Variants in PSMG1 observed in about 807,000 individuals in gnomAD.
The protein encoded by PSMG1 is Down syndrome critical region gene 2.
A neutral mutation model predicts 37.2 loss-of-function variants in PSMG1; 23 were observed. That is an observed-to-expected ratio of 0.62 (90% CI 0.44 to 0.88). PSMG1 has a LOEUF of 0.88. Ranked by LOEUF, PSMG1 falls within the 40% of genes least tolerant of loss-of-function variation. PSMG1 has a pLI of 0.00. For synonymous variants in PSMG1, 127 were observed against 128.0 expected (o/e 0.99, Z 0.05); for missense variants, 340 against 344.2 (o/e 0.99, Z 0.10).
At chr21:39,181,187 G>C (rs150262722) in intron 2 of PSMG1, among the ~76,000 whole-genome samples, 1 of 152,060 alleles carries the variant, frequency 6.6e-6, no homozygotes, top group Non-Finnish European at 1.5e-5. Context: ...GCTGGAGCAC[G>C]ATCAGTGGGA....
At chr21:39,177,716 C>A in intron 5 of PSMG1, 145 bp from the exon 6 acceptor site, 1 of 519,260 alleles carries the variant, frequency 1.9e-6, no homozygotes, top group Non-Finnish European at 3.0e-6. Flanking sequence ...AATTTTGAAC[C>A]AATTATAATG....
rs1267368036 is a variant in PSMG1 at position 39,174,967 on chromosome 21, A to G, written c.*623T>C. The G allele has an allele frequency of 6.6e-6, 1 of 152,258 alleles. No homozygotes were observed. The highest frequency in any genetic ancestry group is 2.4e-5 in the African/African-American group (1 of 41,460). 9.4% of individuals were successfully genotyped at this position (152,258 alleles called of 1,614,324 possible). On this transcript the variant is annotated 3_prime_UTR_variant, in exon 7 of 7. Coordinates refer to ENST00000331573, the MANE Select transcript of PSMG1 (RefSeq NM_003720.4). ...TTTCTGTTTCATTTTTAGTAAATAT[A>G]TAATTTTGTTACTTTGTCATCAATT... is the stretch of plus-strand genomic sequence containing the variant.
chr21:39,177,453 G>A lies in PSMG1; in HGVS notation c.774C>T (p.Ser258=). 1 of 1,597,384 alleles carries A rather than the reference G, an allele frequency of 6.3e-7. No homozygotes were observed. The highest frequency in any genetic ancestry group is 8.5e-7 in the Non-Finnish European group (1 of 1,174,246). Residue 258 remains serine (S), a synonymous_variant, in exon 6 of 7, where the codon AGC becomes AGT. Coordinates refer to ENST00000331573, the MANE Select transcript of PSMG1 (RefSeq NM_003720.4). ...EAFKPILSTR[S]LKGLVKNIPQ... ...ACCTTACCTTAACCAAACCCTTCAA[G>A]CTTCTGGTAGAAAGTATAGGCTTAA...
chr21:39,179,240 A>G (rs1208607745), intron 4 of PSMG1, among the ~76,000 whole-genome samples: 1 of 152,154 alleles, frequency 6.6e-6, no homozygotes. Context: ...TCTGTTCTTT[A>G]TAAATTACCC....
At chr21:39,179,004 A>T (rs1379687932) in intron 4 of PSMG1, among the ~76,000 whole-genome samples, 1 of 152,056 alleles carries the variant, frequency 6.6e-6, no homozygotes, top group Non-Finnish European at 1.5e-5. Flanking sequence ...GCCTAGCACC[A>T]CCCTGTTGGT....
intron 2 of PSMG1, among the ~76,000 whole-genome samples, chr21:39,181,101 G>T (rs2030810846): frequency 6.6e-6 from 1 of 152,038 alleles, no homozygotes; most frequent in Non-Finnish European, 1.5e-5. Flanking sequence ...ACAGCTCCTT[G>T]AGTTTTAAGT....
chr21:39,178,558 G>A lies in PSMG1; in HGVS notation c.546C>T (p.Gly182=). The part of the protein sequence containing the change: ...VTDYKTSEST[G]SLPSPFLRAL... ...CTCTCAGGAAAGGAGAAGGAAGGCT[G>A]CCGGTGGATTCTGAGGTTTTATAAT... The change falls in exon 5 of 7, where the codon GGC becomes GGT. Residue 182 remains glycine (G), a synonymous_variant. Coordinates refer to ENST00000331573, the MANE Select transcript of PSMG1 (RefSeq NM_003720.4). The A allele has an allele frequency of 6.2e-7, 1 of 1,614,086 alleles. No individual in the cohort carries two copies. The highest frequency in any genetic ancestry group is 8.5e-7 in the Non-Finnish European group (1 of 1,179,972).
intron 6 of PSMG1, among the ~76,000 whole-genome samples, chr21:39,176,837 A>G (rs1248381919): frequency 4.6e-5 from 7 of 152,240 alleles, no homozygotes; most frequent in African/African-American, 1.7e-4. Context: ...TCTTTCCTTT[A>G]AAGAAACCAT....
In PSMG1 at chr21:39,183,234, C is replaced by G. The variant is rs34294410; in HGVS notation, c.134+18G>C. 0.33 allele frequency: 513,378 copies of G among 1,566,162 alleles called. 89,104 individuals carry two copies. Among genetic ancestry groups the G allele is most frequent in the Non-Finnish European group, 0.36 (417,591 of 1,159,176 alleles). On this transcript the variant is annotated intron_variant, in intron 1 of 6. Transcript: ENST00000331573. ...TTCCAGCTGCGGTGAGCGCGCTGCC[C>G]TTATCCCGGTGCCTCACCTCTTCCG...
At chr21:39,179,896 C>T (rs2030761675) in intron 4 of PSMG1, 28 bp downstream of exon 4, 1 of 1,602,602 alleles carries the variant, frequency 6.2e-7, no homozygotes, top group African/African-American at 1.3e-5. Context: ...GTAGACTAAC[C>T]ATTCACAGGT....
chr21:39,183,204 GC>G, intron 1 of PSMG1, 47 bp downstream of exon 1: 1 of 1,503,584 alleles, frequency 6.7e-7, no homozygotes, highest in African/African-American at 1.4e-5. Context: ...CCAGGCCCGC[GC>G]ACCTTCCAGC....
At position 39,175,058 on chromosome 21, in the gene PSMG1, A is replaced by G. The variant is rs2030581155; in HGVS notation, c.*532T>C. 1 of 152,244 alleles carries G rather than the reference A, an allele frequency of 6.6e-6. No homozygotes were observed. Among genetic ancestry groups the G allele is most frequent in the Non-Finnish European group, 1.5e-5 (1 of 68,044 alleles). The allele number at this position is 152,244 out of a possible 1,614,324, so 9.4% of individuals were successfully genotyped here. ...ATCCAGAAACTTTCCACATATTAAG[A>G]ATCACCAACAGGTCAATGAATAGTT... On this transcript the variant is annotated 3_prime_UTR_variant, in exon 7 of 7. Coordinates refer to ENST00000331573, the MANE Select transcript of PSMG1 (RefSeq NM_003720.4).
At chr21:39,177,000 G>A (rs1272756011) in intron 6 of PSMG1, among the ~76,000 whole-genome samples, 1 of 152,196 alleles carries the variant, frequency 6.6e-6, no homozygotes, top group Non-Finnish European at 1.5e-5. Context: ...GGGTAAGGAA[G>A]AGGTTCATTA....
At position 39,183,393 on chromosome 21, in the gene PSMG1, C is replaced by A; in HGVS notation, c.-8G>T. ...GAAGAACGTGGCCGCCATAGCCGCC[C>A]CGTGACCGGCTGGACACAACTGCAG... On this transcript the variant is annotated 5_prime_UTR_variant, in exon 1 of 7. Coordinates refer to ENST00000331573, the MANE Select transcript of PSMG1 (RefSeq NM_003720.4). 1 of 1,576,170 alleles carries A rather than the reference C, an allele frequency of 6.3e-7. No individual in the cohort carries two copies. The highest frequency in any genetic ancestry group is 2.4e-5 in the East Asian group (1 of 42,198).
chr21:39,179,852 A>G (rs1314835347), intron 4 of PSMG1, 72 bp downstream of exon 4: 3 of 1,277,186 alleles, frequency 2.3e-6, no homozygotes, highest in Non-Finnish European at 3.3e-6. Context: ...GTTTAAGTTA[A>G]AAGACATCGA....
chr21:39,183,470 G>T (rs572923060), upstream of PSMG1: 2,537 of 1,450,240 alleles, frequency 1.7e-3, 2 homozygotes, highest in Non-Finnish European at 2.1e-3. Flanking sequence ...CTCACCGCGC[G>T]GGCAATAAGT....
chr21:39,178,937 T>C, intron 4 of PSMG1: 1 of 372,108 alleles, frequency 2.7e-6, no homozygotes, highest in Non-Finnish European at 5.0e-6. Context: ...ATTCCCAATG[T>C]TGGAGGCCGG....
chr21:39,182,521 T>C (rs1340604570), intron 1 of PSMG1, among the ~76,000 whole-genome samples: 1 of 152,158 alleles, frequency 6.6e-6, no homozygotes, highest in Non-Finnish European at 1.5e-5. Context: ...GGAAAATTAG[T>C]ATTAGTGTTG....
At chr21:39,182,885 G>A (rs1254818303) in intron 1 of PSMG1, among the ~76,000 whole-genome samples, 1 of 152,058 alleles carries the variant, frequency 6.6e-6, no homozygotes, top group Non-Finnish European at 1.5e-5. Flanking sequence ...GGAGCGCTGC[G>A]GCCCAAGACA....
Sources: gnomAD v4.1 joint callset for allele counts (sites outside exome capture counted in the v4.1 genomes callset) on GRCh38, gnomAD v4.1.1 for gene constraint, MANE v1.5 for transcripts, NCBI Gene and HGNC (gene_info 2026-07-23, HGNC 2026-07-21) for gene names.